RAD51B: variants seen among roughly 807,000 people sequenced by gnomAD.
RAD51B encodes the protein RAD51 paralog B.
Under a neutral mutation model 42.2 loss-of-function variants are expected in RAD51B, and 38 were observed. That is an observed-to-expected ratio of 0.90 (90% CI 0.70 to 1.18). RAD51B has a LOEUF of 1.18. Among genes scored for constraint, RAD51B ranks in the 50% most tolerant of loss-of-function variants. RAD51B has a pLI of 0.00. For missense variants in RAD51B, 373 were observed against 400.7 expected (o/e 0.93, Z 0.59); for synonymous variants, 154 against 145.2 (o/e 1.06, Z -0.43).
downstream of RAD51B, among the ~76,000 whole-genome samples, chr14:68,615,578 C>G (rs1465601481): frequency 6.6e-6 from 1 of 152,170 alleles, no homozygotes; most frequent in African/African-American, 2.4e-5. Flanking sequence ...ATGTCCTGAC[C>G]TCATGATCTG....
At position 68,405,697 on chromosome 14, in the gene RAD51B, T is replaced by C. The variant is rs545887101; in HGVS notation, c.854-5727T>C. ...GAAAACAACCAAATACATGGGTACT[T>C]TTTTATACTATTCTTATTGTTTTAG... On this transcript the variant is annotated intron_variant, in intron 8 of 10. Transcript: ENST00000471583. 1.5e-4 allele frequency among the ~76,000 whole-genome samples: 23 copies of C among 152,186 alleles called. No homozygotes were observed. In the East Asian group the frequency reaches 4.3e-3, roughly 28 times the overall value.
intron 7 of RAD51B, among the ~76,000 whole-genome samples, chr14:68,032,709 C>A (rs958274141): frequency 6.6e-6 from 1 of 152,206 alleles, no homozygotes; most frequent in African/African-American, 2.4e-5. Flanking sequence ...ATTCCATACT[C>A]CACACTATAG....
chr14:68,488,089 T>C (rs552687141), intron 10 of RAD51B, among the ~76,000 whole-genome samples: 2 of 152,044 alleles, frequency 1.3e-5, no homozygotes, highest in African/African-American at 4.8e-5. Context: ...GGTGGATGGA[T>C]ACATGAATGG....
intron 10 of RAD51B, among the ~76,000 whole-genome samples, chr14:68,543,124 C>T (rs1888052229): frequency 1.3e-5 from 2 of 152,184 alleles, no homozygotes; most frequent in Non-Finnish European, 2.9e-5. Context: ...CTGCCAACTA[C>T]TCAATTTTAT....
At chr14:68,339,470 C>G in intron 8 of RAD51B, 2 of 511,566 alleles carry the variant, frequency 3.9e-6, no homozygotes, top group Non-Finnish European at 6.9e-6. Flanking sequence ...CCTCCTGCTT[C>G]TTTATGACAG....
At chr14:68,336,976 A>C (rs1364393071) in intron 8 of RAD51B, among the ~76,000 whole-genome samples, 2 of 152,226 alleles carry the variant, frequency 1.3e-5, no homozygotes, top group African/African-American at 2.4e-5. Context: ...AATTTTTCTC[A>C]TCTACCTCAG....
At chr14:67,922,641 G>A (rs1038760782) in intron 7 of RAD51B, among the ~76,000 whole-genome samples, 1 of 149,144 alleles carries the variant, frequency 6.7e-6, no homozygotes, top group African/African-American at 2.5e-5. Context: ...CTGAGATTTT[G>A]GTGCACCCAT....
chr14:68,420,010 A>T (rs2084659623), intron 9 of RAD51B, among the ~76,000 whole-genome samples: 1 of 152,146 alleles, frequency 6.6e-6, no homozygotes, highest in Non-Finnish European at 1.5e-5. Flanking sequence ...GTTTGCAGGG[A>T]TCATTTTTGA....
At chr14:67,923,298 C>CTTTTTTTTTTTTTTT (rs34809964) in intron 7 of RAD51B, among the ~76,000 whole-genome samples, 4 of 123,662 alleles carry the variant, frequency 3.2e-5, no homozygotes, top group African/African-American at 1.3e-4. Context: ...TTTTCTTTTT[C>CTTTTTTTTTTTTTTT]TTTTTTTTTT....
At chr14:68,248,871 C>G (rs183434227) in intron 7 of RAD51B, among the ~76,000 whole-genome samples, 1 of 152,366 alleles carries the variant, frequency 6.6e-6, no homozygotes, top group Non-Finnish European at 1.5e-5. Context: ...CAGGCAGCTG[C>G]TTTGAAATGG....
At chr14:67,985,584 C>G (rs2140280021) in intron 7 of RAD51B, among the ~76,000 whole-genome samples, 1 of 152,168 alleles carries the variant, frequency 6.6e-6, no homozygotes. Flanking sequence ...TTTAGCTTTT[C>G]CTTGACTTTT....
At chr14:67,961,425 A>G (rs562960239) in intron 7 of RAD51B, among the ~76,000 whole-genome samples, 77 of 152,336 alleles carry the variant, frequency 5.1e-4, no homozygotes, top group African/African-American at 1.8e-3. Context: ...TTTCATTCAT[A>G]TCCACTGTGT....
At chr14:68,528,268 T>C (rs962477081) in intron 10 of RAD51B, among the ~76,000 whole-genome samples, 1 of 152,254 alleles carries the variant, frequency 6.6e-6, no homozygotes, top group African/African-American at 2.4e-5. Context: ...ATTTCCTCTT[T>C]CTTTGCCTTT....
intron 7 of RAD51B, among the ~76,000 whole-genome samples, chr14:68,204,558 T>C (rs574239433): frequency 1.3e-5 from 2 of 152,354 alleles, no homozygotes; most frequent in Admixed American, 6.5e-5. Context: ...ATGGCACTAA[T>C]AGACTTGTTT....
Position 68,104,241 on chromosome 14 carries a change from G to A in RAD51B, c.757-187643G>A, listed in dbSNP as rs560737837. On this transcript the variant is annotated intron_variant, in intron 7 of 10. Coordinates refer to ENST00000471583, the MANE Select transcript of RAD51B (RefSeq NM_133510.4). ...TCTGTGTGATTTTGAAAGGTTTAAA[G>A]AATCAGCAAATTATTATATAATAGA... Among the ~76,000 whole-genome samples the A allele has an allele frequency of 2.0e-5, 3 of 152,196 alleles. No individual in the cohort carries two copies. The South Asian group carries it at 6.2e-4, about 32-fold the overall frequency.
At chr14:67,821,937 TGAG>T (rs1187871965) in intron 1 of RAD51B, among the ~76,000 whole-genome samples, 6 of 151,970 alleles carry the variant, frequency 3.9e-5, no homozygotes, top group Middle Eastern at 3.4e-3. Flanking sequence ...TGGAGAGAAA[TGAG>T]GAGGATGTAT....
intron 10 of RAD51B, chr14:68,497,275 T>G (rs921010990): frequency 1.5e-6 from 2 of 1,314,026 alleles, no homozygotes; most frequent in Non-Finnish European, 2.0e-6. Context: ...TGCTACTGTG[T>G]AGACTCAGCT....
At chr14:68,252,432 A>G (rs577902903) in intron 7 of RAD51B, among the ~76,000 whole-genome samples, 1 of 152,286 alleles carries the variant, frequency 6.6e-6, no homozygotes, top group South Asian at 2.1e-4. Context: ...TGGAGATTCA[A>G]TACACTCCTC....
chr14:67,948,931 C>CAAAAAAAAAAAAAAAAAA (rs59465805), intron 7 of RAD51B, among the ~76,000 whole-genome samples: 5 of 17,058 alleles, frequency 2.9e-4, no homozygotes, highest in East Asian at 2.4e-3. Flanking sequence ...GACTCTGTCT[C>CAAAAAAAAAAAAAAAAAA]AAAAAAAAAA....
Sources: gnomAD v4.1 joint callset for allele counts (sites outside exome capture counted in the v4.1 genomes callset) on GRCh38, gnomAD v4.1.1 for gene constraint, MANE v1.5 for transcripts, NCBI Gene and HGNC (gene_info 2026-07-23, HGNC 2026-07-21) for gene names.